PDS5B: variants seen among roughly 807,000 people sequenced by gnomAD.
PDS5B encodes the protein PDS5 cohesin associated factor B.
In PDS5B, 51 loss-of-function variants were observed where a neutral mutation model predicts 184.1. The ratio of observed to expected loss-of-function variants is 0.28; its 90% CI spans 0.22 to 0.35. PDS5B has a LOEUF of 0.35. PDS5B is among the 10% of genes least tolerant of loss of function. The pLI, the probability that PDS5B is intolerant of heterozygous loss-of-function variation, is 1.00. For missense variants in PDS5B, 1,180 were observed against 1,723.3 expected (o/e 0.68, Z 5.58); for synonymous variants, 566 against 569.2 (o/e 0.99, Z 0.08).
chr13:32,636,702 T>A (rs1406783824), intron 1 of PDS5B, among the ~76,000 whole-genome samples: 2 of 152,268 alleles, frequency 1.3e-5, no homozygotes, highest in Non-Finnish European at 2.9e-5. Context: ...ATGCATTAGG[T>A]ATGTAGCAGT....
In PDS5B at chr13:32,775,095, A is replaced by AAATT; in HGVS notation, c.*43_*44insAATT. ...CTTTCTCTGTGAAAGCTTTGGAAAA[A>AAATT]TCTTTTTTTTTTTTTTTGGTCAAGC... On this transcript the variant is annotated 3_prime_UTR_variant, in exon 35 of 35. Coordinates refer to ENST00000315596, the MANE Select transcript of PDS5B (RefSeq NM_015032.4). The AAATT allele has an allele frequency of 2.7e-5, 15 of 547,558 alleles. No individual in the cohort carries two copies. The highest frequency in any genetic ancestry group is 3.3e-5 in the Non-Finnish European group (13 of 388,676). 33.9% of individuals were successfully genotyped at this position (547,558 alleles called of 1,614,324 possible). A position where few individuals can be genotyped will look rare whatever the true frequency, so the allele number is the denominator to read the frequency against.
rs183634826 is a variant in PDS5B, at chr13:32,654,414, C to T, written c.312+2407C>T. On this transcript the variant is annotated intron_variant, in intron 3 of 34. Transcript: ENST00000315596. ...AGTGACTGTTGTCTTTCCATCGCTA[C>T]ATAGGGTCAATATGGCGTGTGTACT... Among the ~76,000 whole-genome samples the T allele has an allele frequency of 1.6e-3, 238 of 152,232 alleles. 1 individual carries two copies. Among genetic ancestry groups the T allele is most frequent in the Non-Finnish European group, 1.7e-3 (118 of 68,010 alleles).
intron 1 of PDS5B, among the ~76,000 whole-genome samples, chr13:32,624,837 T>C (rs1210712168): frequency 1.3e-5 from 2 of 152,320 alleles, no homozygotes; most frequent in South Asian, 4.1e-4. Context: ...AATGCTAATA[T>C]GCACATTTGC....
chr13:32,680,180 G>GT (rs2140794490), intron 10 of PDS5B, among the ~76,000 whole-genome samples: 1 of 152,150 alleles, frequency 6.6e-6, no homozygotes, highest in South Asian at 2.1e-4. Context: ...ATGATTAAGA[G>GT]TGGGGGGGCT....
At chr13:32,685,819 T>A (rs1045673976) in intron 11 of PDS5B, among the ~76,000 whole-genome samples, 1 of 152,198 alleles carries the variant, frequency 6.6e-6, no homozygotes, top group African/African-American at 2.4e-5. Flanking sequence ...ATTTTTTTTT[T>A]ATTAGAGACA....
chr13:32,749,847 T>G (rs1953910934), intron 24 of PDS5B, among the ~76,000 whole-genome samples: 2 of 152,062 alleles, frequency 1.3e-5, no homozygotes, highest in African/African-American at 4.8e-5. Flanking sequence ...GCGGGGACAT[T>G]TGTAGTATTA....
chr13:32,767,742 T>C (rs113854318), intron 31 of PDS5B, among the ~76,000 whole-genome samples: 43 of 152,152 alleles, frequency 2.8e-4, no homozygotes, highest in African/African-American at 8.9e-4. Flanking sequence ...AGACAGGCCA[T>C]GTTCTTGTAT....
intron 17 of PDS5B, among the ~76,000 whole-genome samples, chr13:32,703,222 A>G (rs1951913607): frequency 6.6e-6 from 1 of 152,186 alleles, no homozygotes; most frequent in African/African-American, 2.4e-5. Context: ...TTGTATAGAA[A>G]GAAGTAAAAA....
intron 19 of PDS5B, among the ~76,000 whole-genome samples, chr13:32,710,395 A>G (rs1313405667): frequency 5.3e-5 from 8 of 152,196 alleles, no homozygotes; most frequent in Non-Finnish European, 1.0e-4. Flanking sequence ...TTAAGGTATG[A>G]TGGGAAGTTT....
chr13:32,635,835 C>A (rs1312058491), intron 1 of PDS5B, among the ~76,000 whole-genome samples: 4 of 144,886 alleles, frequency 2.8e-5, no homozygotes, highest in Non-Finnish European at 6.0e-5. Context: ...GTGGTGCTAT[C>A]TCGGCTCACT....
At chr13:32,671,591 GT>G (rs1950936796) in intron 7 of PDS5B, among the ~76,000 whole-genome samples, 1 of 152,094 alleles carries the variant, frequency 6.6e-6, no homozygotes, top group Admixed American at 6.5e-5. Flanking sequence ...GGACAAACAA[GT>G]TCTTTTTAAA....
chr13:32,617,163 A>G (rs1276683880), intron 1 of PDS5B, among the ~76,000 whole-genome samples: 1 of 152,236 alleles, frequency 6.6e-6, no homozygotes, highest in Non-Finnish European at 1.5e-5. Context: ...ACCTCTGGCT[A>G]GAAGAATTGC....
At chr13:32,686,240 T>G (rs1951385411) in intron 11 of PDS5B, among the ~76,000 whole-genome samples, 1 of 152,212 alleles carries the variant, frequency 6.6e-6, no homozygotes, top group African/African-American at 2.4e-5. Context: ...CTGTAACAAA[T>G]ATACACTTAT....
At chr13:32,589,093 G>A (rs972103658) in intron 1 of PDS5B, among the ~76,000 whole-genome samples, 2 of 152,196 alleles carry the variant, frequency 1.3e-5, no homozygotes, top group Non-Finnish European at 2.9e-5. Flanking sequence ...GAATACATTT[G>A]TGTTTCCTCT....
intron 1 of PDS5B, among the ~76,000 whole-genome samples, chr13:32,618,961 T>C (rs549880764): frequency 1.4e-4 from 21 of 152,250 alleles, no homozygotes; most frequent in Non-Finnish European, 2.5e-4. Flanking sequence ...CAAGTTTCCA[T>C]ATACATGTGA....
At chr13:32,592,066 A>C (rs1475428579) in intron 1 of PDS5B, among the ~76,000 whole-genome samples, 1 of 152,054 alleles carries the variant, frequency 6.6e-6, no homozygotes, top group African/African-American at 2.4e-5. Context: ...AGGGCAAATA[A>C]ATTTTGTATA....
In PDS5B at chr13:32,777,937, A is replaced by G. The variant is rs537071424; in HGVS notation, c.*2885A>G. Reference sequence around the variant, plus strand: ...CATCACATAGTATTATGTCACCATAATGAACAATTGCTATTTAAATAGATA... The same window carrying G: ...CATCACATAGTATTATGTCACCATAGTGAACAATTGCTATTTAAATAGATA... On this transcript the variant is annotated 3_prime_UTR_variant, in exon 35 of 35. Transcript: ENST00000315596. The G allele has an allele frequency of 3.3e-5, 5 of 152,566 alleles. No homozygotes were observed. The East Asian group carries it at 9.6e-4, about 29-fold the overall frequency. 9.5% of individuals were successfully genotyped at this position (152,566 alleles called of 1,614,324 possible).
At chr13:32,675,451 C>G (rs1447748033) in intron 8 of PDS5B, among the ~76,000 whole-genome samples, 1 of 152,178 alleles carries the variant, frequency 6.6e-6, no homozygotes, top group Non-Finnish European at 1.5e-5. Flanking sequence ...TTTCTGTTTT[C>G]TGTAGGCCTG....
chr13:32,737,637 C>G (rs1953387237), intron 21 of PDS5B, among the ~76,000 whole-genome samples: 1 of 152,106 alleles, frequency 6.6e-6, no homozygotes, highest in African/African-American at 2.4e-5. Flanking sequence ...CCGTTTGTTT[C>G]AGTATGAAAA....
Sources: gnomAD v4.1 joint callset for allele counts (sites outside exome capture counted in the v4.1 genomes callset) on GRCh38, gnomAD v4.1.1 for gene constraint, MANE v1.5 for transcripts, NCBI Gene and HGNC (gene_info 2026-07-23, HGNC 2026-07-21) for gene names.